HACE1: variants seen among roughly 807,000 people sequenced by gnomAD.
HACE1 encodes E3 ubiquitin-protein ligase HACE1.
HACE1 carries 73 observed loss-of-function variants against 118.4 expected under a neutral mutation model. That is an observed-to-expected ratio of 0.62 (90% CI 0.51 to 0.75). HACE1 has a LOEUF of 0.75. HACE1 is among the 30% of genes least tolerant of loss of function. HACE1 has a pLI of 0.00. For synonymous variants in HACE1, 368 were observed against 374.8 expected (o/e 0.98, Z 0.21); for missense variants, 749 against 1,102.2 (o/e 0.68, Z 4.54).
chr6:104,796,486 TATTA>T (rs1421816241), intron 9 of HACE1, among the ~76,000 whole-genome samples, 165 bp downstream of exon 9: 1 of 152,170 alleles, frequency 6.6e-6, no homozygotes, highest in Non-Finnish European at 1.5e-5. Context: ...GCAAAAACTA[TATTA>T]ATTATTATCT....
At chr6:104,816,667 A>C (rs948772680) in intron 6 of HACE1, among the ~76,000 whole-genome samples, 1 of 152,172 alleles carries the variant, frequency 6.6e-6, no homozygotes. Flanking sequence ...CATACAGGGC[A>C]CTGTCTAGTA....
intron 5 of HACE1, among the ~76,000 whole-genome samples, chr6:104,837,389 G>C (rs1366100163): frequency 6.6e-6 from 1 of 152,144 alleles, no homozygotes; most frequent in Non-Finnish European, 1.5e-5. Context: ...ATTCATGTAG[G>C]AAGGACAGCC....
intron 22 of HACE1, chr6:104,731,420 A>G (rs1009138754): frequency 6.6e-6 from 1 of 151,970 alleles, no homozygotes; most frequent in Non-Finnish European, 1.5e-5. Context: ...AACAGTCTAG[A>G]AAAAAAAGAA....
Position 104,825,753 on chromosome 6 carries a change from C to T in HACE1, c.534+7289G>A, listed in dbSNP as rs550335706. On this transcript the variant is annotated intron_variant, in intron 6 of 23. Coordinates refer to ENST00000262903, the MANE Select transcript of HACE1 (RefSeq NM_020771.4). ...CCTTGAGCAGCTGCTGGGGCCAATT[C>T]CCACCCTGTGGAGTATACTTTTGTT... is the stretch of plus-strand genomic sequence containing the variant. Among the ~76,000 whole-genome samples, 222 of 152,278 alleles carry T rather than the reference C, an allele frequency of 1.5e-3. 1 individual carries two copies. The highest frequency in any genetic ancestry group is 3.8e-3 in the Admixed American group (58 of 15,300).
intron 22 of HACE1, chr6:104,730,656 G>GCACATACCTCAATATTGCAT (rs1775104988): frequency 4.1e-6 from 2 of 483,416 alleles, no homozygotes; most frequent in Admixed American, 6.6e-5. Context: ...ACTGGCCACA[G>GCACATACCTCAATATTGCAT]CACATACCTC....
At chr6:104,802,332 TC>T (rs373115736) in intron 7 of HACE1, among the ~76,000 whole-genome samples, 61 of 152,230 alleles carry the variant, frequency 4.0e-4, no homozygotes, top group Non-Finnish European at 8.1e-4. Context: ...AACAAGGATA[TC>T]CAGGAATTGA....
intron 20 of HACE1, among the ~76,000 whole-genome samples, chr6:104,744,899 A>C (rs1777237008): frequency 6.6e-6 from 1 of 152,200 alleles, no homozygotes; most frequent in Non-Finnish European, 1.5e-5. Context: ...ACAACAGTTT[A>C]TATGTGCAAA....
chr6:104,801,934 C>A lies in HACE1; in HGVS notation c.618-4909G>T, dbSNP rs183481893. Among the ~76,000 whole-genome samples the A allele has an allele frequency of 1.7e-3, 250 of 151,374 alleles. 1 individual carries two copies. The highest frequency in any genetic ancestry group is 5.8e-3 in the African/African-American group (238 of 41,224). On this transcript the variant is annotated intron_variant, in intron 7 of 23. Transcript: ENST00000262903. ...GTAAACTGGATAAAGAGTCAAGACC[C>A]ATCAGTGTGCTGTATTCAGGAGACC...
At chr6:104,797,183 T>C (rs1453278778) in intron 7 of HACE1, among the ~76,000 whole-genome samples, 158 bp from the exon 8 acceptor site, 1 of 152,022 alleles carries the variant, frequency 6.6e-6, no homozygotes, top group Admixed American at 6.6e-5. Context: ...ACTTTCTCAA[T>C]GTTAAGCCAT....
At chr6:104,802,699 G>A (rs1460513855) in intron 7 of HACE1, among the ~76,000 whole-genome samples, 4 of 152,210 alleles carry the variant, frequency 2.6e-5, no homozygotes, top group East Asian at 1.9e-4. Flanking sequence ...AGAATCTCTG[G>A]GACACATTTA....
chr6:104,855,054 T>C (rs1276417792), intron 1 of HACE1, among the ~76,000 whole-genome samples: 2 of 152,248 alleles, frequency 1.3e-5, no homozygotes, highest in African/African-American at 4.8e-5. Flanking sequence ...AAGTAGGTAC[T>C]ATTATCCTCA....
chr6:104,859,260 C>G (rs1777059663), intron 1 of HACE1: 1 of 359,240 alleles, frequency 2.8e-6, no homozygotes, highest in South Asian at 4.3e-5. Context: ...CTCGGGCCTC[C>G]GGCTGGTATT....
At chr6:104,858,770 C>T (rs1029698665) in intron 1 of HACE1, among the ~76,000 whole-genome samples, 1 of 152,218 alleles carries the variant, frequency 6.6e-6, no homozygotes, top group African/African-American at 2.4e-5. Flanking sequence ...AGAAGCAGCA[C>T]TGCTGTCTCC....
At chr6:104,798,069 GA>G (rs11331345) in intron 7 of HACE1, among the ~76,000 whole-genome samples, 75,125 of 128,000 alleles carry the variant, frequency 0.59, 21,679 homozygotes, top group African/African-American at 0.79. Context: ...ACCCCGTCTC[GA>G]AAAAAAAAAA....
chr6:104,836,389 A>G (rs1774538083), intron 5 of HACE1, among the ~76,000 whole-genome samples: 1 of 152,206 alleles, frequency 6.6e-6, no homozygotes, highest in South Asian at 2.1e-4. Flanking sequence ...TAGGGCAAGA[A>G]ACAAATACAA....
chr6:104,771,745 GA>G (rs1197055907), intron 18 of HACE1, among the ~76,000 whole-genome samples, 179 bp downstream of exon 18: 4 of 138,920 alleles, frequency 2.9e-5, no homozygotes, highest in East Asian at 2.1e-4. Flanking sequence ...GAGGTGTTTG[GA>G]AAAAAAAAAG....
intron 14 of HACE1, among the ~76,000 whole-genome samples, chr6:104,779,737 A>C (rs1300084018): frequency 6.6e-6 from 1 of 152,122 alleles, no homozygotes; most frequent in African/African-American, 2.4e-5. Context: ...TACTAGACTT[A>C]TCTTAAGGAA....
chr6:104,816,446 G>C (rs973151318), intron 6 of HACE1, among the ~76,000 whole-genome samples: 1 of 152,254 alleles, frequency 6.6e-6, no homozygotes, highest in Non-Finnish European at 1.5e-5. Context: ...CACTGCTTTA[G>C]AGGGTGCAAG....
chr6:104,836,189 C>T (rs1437642617), intron 5 of HACE1, among the ~76,000 whole-genome samples: 1 of 152,160 alleles, frequency 6.6e-6, no homozygotes, highest in Non-Finnish European at 1.5e-5. Flanking sequence ...AACAACTGTG[C>T]AGCAGACCTA....
Sources: gnomAD v4.1 joint callset for allele counts (sites outside exome capture counted in the v4.1 genomes callset) on GRCh38, gnomAD v4.1.1 for gene constraint, MANE v1.5 for transcripts, NCBI Gene and HGNC (gene_info 2026-07-23, HGNC 2026-07-21) for gene names.